The following SLC25A21 variants were observed in gnomAD, a reference collection of about 807,000 sequenced individuals.
SLC25A21 encodes the protein mitochondrial 2-oxodicarboxylate carrier.
A neutral mutation model predicts 43.8 loss-of-function variants in SLC25A21; 47 were observed. The ratio of observed to expected loss-of-function variants is 1.07; its 90% CI spans 0.85 to 1.37. The LOEUF is 1.37. SLC25A21 is among the 40% of genes most tolerant of loss of function. The probability of loss-of-function intolerance (pLI) is 0.00; values close to 1 mark genes in which losing one functional copy is unlikely to be tolerated. For synonymous variants in SLC25A21, 131 were observed against 121.3 expected (o/e 1.08, Z -0.52); for missense variants, 352 against 350.2 (o/e 1.00, Z -0.04).
chr14:36,725,516 T>C, intron 6 of SLC25A21, 54 bp downstream of exon 6: 1 of 654,018 alleles, frequency 1.5e-6, no homozygotes, highest in South Asian at 4.2e-5. Context: ...AATAAATAAA[T>C]AAATAAATAA....
intron 1 of SLC25A21, among the ~76,000 whole-genome samples, chr14:37,141,347 T>C (rs1342237972): frequency 6.6e-6 from 1 of 152,168 alleles, no homozygotes; most frequent in East Asian, 1.9e-4. Context: ...CATGTTTTTG[T>C]GTGTTGCCAG....
chr14:36,756,376 T>C (rs540472024), intron 3 of SLC25A21, among the ~76,000 whole-genome samples: 1 of 152,292 alleles, frequency 6.6e-6, no homozygotes, highest in South Asian at 2.1e-4. Flanking sequence ...AAATCAAAGA[T>C]GCATAATTGA....
chr14:37,057,020 A>G (rs1961844637), intron 1 of SLC25A21, among the ~76,000 whole-genome samples: 1 of 152,246 alleles, frequency 6.6e-6, no homozygotes, highest in Admixed American at 6.5e-5. Context: ...ACCACTTTAA[A>G]TAAGATTTCA....
At chr14:36,753,355 G>T (rs1288087767) in intron 3 of SLC25A21, among the ~76,000 whole-genome samples, 2 of 152,074 alleles carry the variant, frequency 1.3e-5, no homozygotes, top group Admixed American at 6.5e-5. Flanking sequence ...TCCAGGAAAG[G>T]ACCCACTGAG....
chr14:36,749,296 T>C (rs1329225011), intron 3 of SLC25A21, among the ~76,000 whole-genome samples: 1 of 152,216 alleles, frequency 6.6e-6, no homozygotes. Flanking sequence ...TTTATTTTTA[T>C]CATCAGTGAA....
At chr14:36,722,409 G>A (rs946652089) in intron 6 of SLC25A21, among the ~76,000 whole-genome samples, 6 of 152,156 alleles carry the variant, frequency 3.9e-5, no homozygotes, top group African/African-American at 1.2e-4. Flanking sequence ...CACCAAGAGT[G>A]AGCCCTAATG....
chr14:36,770,409 G>A (rs968337366), intron 3 of SLC25A21, among the ~76,000 whole-genome samples: 2 of 152,130 alleles, frequency 1.3e-5, no homozygotes, highest in Non-Finnish European at 2.9e-5. Context: ...CTGAAAAACT[G>A]TTGGATAATA....
At chr14:37,155,237 T>C (rs1201930223) in intron 1 of SLC25A21, among the ~76,000 whole-genome samples, 1 of 152,198 alleles carries the variant, frequency 6.6e-6, no homozygotes, top group Non-Finnish European at 1.5e-5. Flanking sequence ...GCCTGGCTAA[T>C]TTTTGTATTT....
At chr14:36,798,480 T>C (rs555030811) in intron 3 of SLC25A21, among the ~76,000 whole-genome samples, 1 of 152,230 alleles carries the variant, frequency 6.6e-6, no homozygotes, top group East Asian at 1.9e-4. Context: ...AATAGAATCA[T>C]GTGACTGAAA....
chr14:36,719,458 T>C (rs1884288586), intron 6 of SLC25A21, among the ~76,000 whole-genome samples: 1 of 152,232 alleles, frequency 6.6e-6, no homozygotes. Context: ...ATCCCAATTT[T>C]ATCCACACAT....
chr14:36,958,160 A>G (rs1418742287), intron 1 of SLC25A21, among the ~76,000 whole-genome samples: 1 of 151,206 alleles, frequency 6.6e-6, no homozygotes, highest in African/African-American at 2.5e-5. Flanking sequence ...TGCCTAGACA[A>G]CCAAACTGCC....
intron 1 of SLC25A21, among the ~76,000 whole-genome samples, chr14:37,110,961 A>T (rs1408225084): frequency 6.6e-6 from 1 of 152,162 alleles, no homozygotes. Flanking sequence ...CAACAAAAAA[A>T]AAATCACAGA....
chr14:36,842,726 G>T (rs369635568), intron 2 of SLC25A21, among the ~76,000 whole-genome samples: 4 of 152,112 alleles, frequency 2.6e-5, no homozygotes, highest in South Asian at 2.1e-4. Flanking sequence ...AGTAGGGAAG[G>T]TCTGAAAACT....
Position 36,857,652 on chromosome 14 carries a change from G to A in SLC25A21, c.119+17304C>T, listed in dbSNP as rs373711921. On this transcript the variant is annotated intron_variant, in intron 2 of 9. Transcript: ENST00000331299. ...GTATCAGATATTTCAGCCCTCCTGC[G>A]TCCTTCAGGGAATGGTGGAAAGAGG... Among the ~76,000 whole-genome samples, 35 of 152,308 alleles carry A rather than the reference G, an allele frequency of 2.3e-4. No homozygotes were observed. The East Asian group carries it at 3.9e-3, about 17-fold the overall frequency.
intron 1 of SLC25A21, chr14:37,098,458 T>C (rs1033792294): frequency 2.0e-5 from 3 of 152,126 alleles, no homozygotes; most frequent in African/African-American, 4.8e-5. Flanking sequence ...CACTGGGAAA[T>C]GTTAGGCAGG....
intron 8 of SLC25A21, among the ~76,000 whole-genome samples, chr14:36,684,485 A>T (rs537709526): frequency 6.6e-6 from 1 of 152,360 alleles, no homozygotes; most frequent in Non-Finnish European, 1.5e-5. Flanking sequence ...ATACTACATT[A>T]TACAAACTGC....
chr14:36,835,904 T>C (rs2138488723), intron 2 of SLC25A21, among the ~76,000 whole-genome samples: 1 of 152,336 alleles, frequency 6.6e-6, no homozygotes, highest in African/African-American at 2.4e-5. Context: ...CTCACCATTG[T>C]CTTCCTTCAA....
At chr14:37,056,743 A>G (rs1292801400) in intron 1 of SLC25A21, among the ~76,000 whole-genome samples, 5 of 152,148 alleles carry the variant, frequency 3.3e-5, no homozygotes, top group Admixed American at 3.3e-4. Context: ...GTCAGCACTG[A>G]AAGATAATTT....
intron 4 of SLC25A21, among the ~76,000 whole-genome samples, chr14:36,731,925 G>A (rs941609110): frequency 4.6e-5 from 7 of 152,102 alleles, no homozygotes; most frequent in African/African-American, 1.7e-4. Flanking sequence ...CCCTGTCCCG[G>A]GGCCTGAAAG....
Sources: allele counts gnomAD v4.1 joint callset (sites outside exome capture counted in the v4.1 genomes callset), GRCh38; gene constraint gnomAD v4.1.1; transcripts MANE v1.5; gene names NCBI Gene and HGNC (gene_info 2026-07-23, HGNC 2026-07-21).